The following PCDHGB1 variants were observed in gnomAD, a reference collection of about 807,000 sequenced individuals.
The protein encoded by PCDHGB1 is protocadherin gamma subfamily B, 1.
Under a neutral mutation model 56.6 loss-of-function variants are expected in PCDHGB1, and 34 were observed. The observed-to-expected ratio is 0.60, with a 90% CI of 0.46 to 0.80. The LOEUF is 0.80. Among genes scored for constraint, PCDHGB1 ranks in the 30% least tolerant of loss-of-function variants. PCDHGB1 has a pLI of 0.00. For synonymous variants in PCDHGB1, 561 were observed against 505.9 expected (o/e 1.11, Z -1.46); for missense variants, 1,278 against 1,204.6 (o/e 1.06, Z -0.90).
chr5:141,502,864 G>GGCTTTTTT (rs2099816401), intron 2 of PCDHGB1, among the ~76,000 whole-genome samples: 1 of 61,572 alleles, frequency 1.6e-5, no homozygotes, highest in Non-Finnish European at 3.0e-5. Flanking sequence ...CTGACTCTCT[G>GGCTTTTTT]TCTTTTTTTT....
Position 141,351,588 on chromosome 5 carries a change from A to G in PCDHGB1, c.1328A>G (p.Asp443Gly). The change falls in exon 1 of 4, where the codon GAC becomes GGC. Residue 443 changes from aspartate to glycine, a missense_variant. Physicochemically the swap from Asp to Gly is moderately conservative, Grantham distance 94. Transcript: ENST00000523390. ...ACCCTGCACATCTCCGACATCAACG[A>G]CAATGCACCTGTTTTCCATCAGGCC... ...SITLHISDIN[D>G]NAPVFHQASY... is the part of the protein sequence containing the mutation. 1 of 1,614,022 alleles carries G rather than the reference A, an allele frequency of 6.2e-7. No homozygotes were observed. The highest frequency in any genetic ancestry group is 1.1e-5 in the South Asian group (1 of 91,078).
In PCDHGB1 at chr5:141,351,017, C is replaced by A; in HGVS notation, c.757C>A (p.Pro253Thr). The change falls in exon 1 of 4, where the codon CCG (proline) becomes ACG (threonine). Residue 253 changes from proline to threonine, a missense_variant. Pro to Thr is a conservative substitution (Grantham distance 38, BLOSUM62 -1). Coordinates refer to ENST00000523390, the MANE Select transcript of PCDHGB1 (RefSeq NM_018922.3). Reference protein sequence around the residue: ...VYRVSLQENVPWGTSVLRVMA... With the variant: ...VYRVSLQENVTWGTSVLRVMA... ...CAGGGTTAGCCTCCAAGAAAACGTA[C>A]CGTGGGGAACCTCCGTGCTGCGGGT... The A allele has an allele frequency of 6.2e-7, 1 of 1,614,048 alleles. No homozygotes were observed. The highest frequency in any genetic ancestry group is 2.2e-5 in the East Asian group (1 of 44,890).
At chr5:141,468,701 C>A (rs1186497330) in intron 1 of PCDHGB1, 2 of 151,628 alleles carry the variant, frequency 1.3e-5, no homozygotes, top group African/African-American at 2.4e-5. Flanking sequence ...CCCGTCTCTA[C>A]TAAAAATATA....
intron 1 of PCDHGB1, chr5:141,393,074 G>A (rs775449711): frequency 3.7e-6 from 6 of 1,613,710 alleles, no homozygotes; most frequent in Non-Finnish European, 5.1e-6. Context: ...TGATCACCGC[G>A]GGCAGGATAG....
chr5:141,432,305 G>T lies in PCDHGB1; in HGVS notation c.2410-62502G>T. 1 of 1,614,254 alleles carries T rather than the reference G, an allele frequency of 6.2e-7. No individual in the cohort carries two copies. Among genetic ancestry groups the T allele is most frequent in the African/African-American group, 1.3e-5 (1 of 75,072 alleles). ...CAACTCCGACACTGGGGTACTGTAT[G>T]CGCTGAGCTCCTTCGACTACGAGCA... On this transcript the variant is annotated intron_variant, in intron 1 of 3. Transcript: ENST00000523390. This position sits in a 1 kb window ranked among gnomAD's most constrained non-coding sequence, Gnocchi z 6.0.
At chr5:141,366,516 G>C (rs1198130864) in intron 1 of PCDHGB1, 1 of 1,614,156 alleles carries the variant, frequency 6.2e-7, no homozygotes, top group African/African-American at 1.3e-5. Flanking sequence ...CAGGCTGAAG[G>C]CAGCAGGTTG....
chr5:141,422,331 T>C (rs768333038), intron 1 of PCDHGB1: 1 of 1,548,508 alleles, frequency 6.5e-7, no homozygotes, highest in South Asian at 1.3e-5. Context: ...CAGTGATTGC[T>C]CTTCTAAATG....
intron 1 of PCDHGB1, chr5:141,390,568 C>T: frequency 2.4e-6 from 1 of 414,986 alleles, no homozygotes; most frequent in Non-Finnish European, 4.3e-6. Context: ...GTTGTTGGCT[C>T]TCTCCTAAAA....
chr5:141,383,085 C>T (rs773972778), intron 1 of PCDHGB1: 1 of 1,613,744 alleles, frequency 6.2e-7, no homozygotes, highest in Non-Finnish European at 8.5e-7. Flanking sequence ...TGGCGGAGCG[C>T]GGAGTCCGCA....
chr5:141,366,006 C>A lies in PCDHGB1; in HGVS notation c.2409+13337C>A, dbSNP rs760966863. The A allele has an allele frequency of 4.3e-6, 7 of 1,614,122 alleles. No homozygotes were observed. The highest frequency in any genetic ancestry group is 5.9e-6 in the Non-Finnish European group (7 of 1,180,046). On this transcript the variant is annotated intron_variant, in intron 1 of 3. Transcript: ENST00000523390. Reference sequence around the variant, plus strand: ...TTTGTGCTGGACCAGAACGACAATACGCCTGAGATCCTGTACCCCGCCCTC... The same window carrying A: ...TTTGTGCTGGACCAGAACGACAATAAGCCTGAGATCCTGTACCCCGCCCTC...
rs770630741 is a variant in PCDHGB1, at chr5:141,381,826, C to CTTTTT, written c.2409+29175_2409+29179dup. On this transcript the variant is annotated intron_variant, in intron 1 of 3. Coordinates refer to ENST00000523390, the MANE Select transcript of PCDHGB1 (RefSeq NM_018922.3). ...TTTCTTTCTTTCTTTCTTTCTTCTT[C>CTTTTT]TTTTTTTTTTTTTTTTTTTTTTGGC... Among the ~76,000 whole-genome samples, 477 of 74,206 alleles carry CTTTTT rather than the reference C, an allele frequency of 6.4e-3. 7 individuals are homozygous for CTTTTT. Among genetic ancestry groups the CTTTTT allele is most frequent in the African/African-American group, 7.2e-3 (117 of 16,174 alleles). The allele number at this position is 74,206 out of a possible 152,430, so 48.7% of individuals were successfully genotyped here.
intron 1 of PCDHGB1, among the ~76,000 whole-genome samples, chr5:141,373,124 C>T (rs933714666): frequency 6.6e-6 from 1 of 152,188 alleles, no homozygotes; most frequent in African/African-American, 2.4e-5. Flanking sequence ...GAATTAGACC[C>T]AAATCCTCAC....
At chr5:141,482,790 G>A (rs2099572686) in intron 1 of PCDHGB1, among the ~76,000 whole-genome samples, 1 of 128,870 alleles carries the variant, frequency 7.8e-6, no homozygotes, top group African/African-American at 3.5e-5. Context: ...CTGTGTGTGT[G>A]GCCGGGTACG....
chr5:141,431,719 A>G lies in PCDHGB1; in HGVS notation c.2410-63088A>G. On this transcript the variant is annotated intron_variant, in intron 1 of 3. Transcript: ENST00000523390. This position sits in a 1 kb window ranked among gnomAD's most constrained non-coding sequence, Gnocchi z 4.8. ...CAGGATTCTACCAGATGGAAGTGCA[A>G]GCAATGGATAATGCAGGATATTCTG... 6.2e-7 allele frequency: 1 copy of G among 1,614,244 alleles called. No individual in the cohort carries two copies. Among genetic ancestry groups the G allele is most frequent in the Non-Finnish European group, 8.5e-7 (1 of 1,180,050 alleles).
intron 1 of PCDHGB1, among the ~76,000 whole-genome samples, chr5:141,380,756 T>C (rs777302606): frequency 2.0e-5 from 3 of 152,238 alleles, no homozygotes; most frequent in Non-Finnish European, 4.4e-5. Context: ...ACCAAGACAC[T>C]ATAAATTAAT....
At position 141,365,522 on chromosome 5, in the gene PCDHGB1, G is replaced by C. The variant is rs771198048; in HGVS notation, c.2409+12853G>C. 5 of 1,613,888 alleles carry C rather than the reference G, an allele frequency of 3.1e-6. No homozygotes were observed. In the South Asian group the frequency reaches 5.5e-5, roughly 18 times the overall value. ...TTTGCCTTTTAAATTGGAGAAGTCAGTTGATAATTACTATCACCTATTAAC... is the reference window on the plus strand; with the variant it reads ...TTTGCCTTTTAAATTGGAGAAGTCACTTGATAATTACTATCACCTATTAAC... On this transcript the variant is annotated intron_variant, in intron 1 of 3. Transcript: ENST00000523390.
chr5:141,368,346 CACACACATATATAT>C (rs1161760512), intron 1 of PCDHGB1, among the ~76,000 whole-genome samples: 26 of 152,176 alleles, frequency 1.7e-4, no homozygotes, highest in South Asian at 1.4e-3. Context: ...TATACATATA[CACACACATATATAT>C]ACACACATAT....
At chr5:141,448,948 A>AAAAC (rs1237948751) in intron 1 of PCDHGB1, among the ~76,000 whole-genome samples, 2 of 152,170 alleles carry the variant, frequency 1.3e-5, no homozygotes, top group African/African-American at 2.4e-5. Flanking sequence ...GCAACTCAAA[A>AAAAC]AAACAAACAA....
intron 1 of PCDHGB1, chr5:141,423,181 C>T: frequency 1.2e-6 from 2 of 1,613,578 alleles, no homozygotes; most frequent in East Asian, 2.2e-5. Flanking sequence ...GGACCACGGC[C>T]AGCCCCCTCT....
Sources: allele counts gnomAD v4.1 joint callset (sites outside exome capture counted in the v4.1 genomes callset), GRCh38; gene constraint gnomAD v4.1.1; non-coding constraint Gnocchi (gnomAD v3.1); transcripts MANE v1.5; gene names NCBI Gene and HGNC (gene_info 2026-07-23, HGNC 2026-07-21).